NXPE2: variants seen among roughly 807,000 people sequenced by gnomAD.
NXPE2 encodes neurexophilin and PC-esterase domain family member 2.
Under a neutral mutation model 34.4 loss-of-function variants are expected in NXPE2, and 34 were observed. The observed-to-expected ratio is 0.99, with a 90% confidence interval of 0.75 to 1.31. The LOEUF is 1.31. Among genes scored for constraint, NXPE2 ranks in the 40% most tolerant of loss-of-function variants. The probability of loss-of-function intolerance (pLI) is 0.00; values close to 1 mark genes in which losing one functional copy is unlikely to be tolerated. For synonymous variants in NXPE2, 235 were observed against 231.3 expected (o/e 1.02, Z -0.15); for missense variants, 649 against 672.5 (o/e 0.97, Z 0.39).
At chr11:114,579,550 C>A in the NXPE2 span, among the ~76,000 whole-genome samples, 231 of 152,348 alleles carry the variant, frequency 1.5e-3, 2 homozygotes, top group African/African-American at 4.4e-3. Context: ...TCACTTCTGA[C>A]ATCTGTTCTC....
chr11:114,707,910 G>A (rs1951502011), downstream of NXPE2, among the ~76,000 whole-genome samples: 1 of 152,162 alleles, frequency 6.6e-6, no homozygotes, highest in Non-Finnish European at 1.5e-5. Context: ...TCCGTTGTAA[G>A]TATGTACTAC....
At chr11:114,598,703 C>G in the NXPE2 span, among the ~76,000 whole-genome samples, 1 of 151,950 alleles carries the variant, frequency 6.6e-6, no homozygotes, top group African/African-American at 2.4e-5. Flanking sequence ...AGCTGGGATG[C>G]AGGGACCAGT....
the NXPE2 span, among the ~76,000 whole-genome samples, chr11:114,721,187 G>C: frequency 6.6e-6 from 1 of 151,872 alleles, no homozygotes; most frequent in African/African-American, 2.4e-5. Context: ...GATTGACGGT[G>C]ATTAGTGTTC....
the NXPE2 span, among the ~76,000 whole-genome samples, chr11:114,795,008 C>G: frequency 6.6e-6 from 1 of 152,212 alleles, no homozygotes; most frequent in African/African-American, 2.4e-5. Flanking sequence ...CAAGATGATG[C>G]CTAAAAAACA....
At chr11:114,777,082 CTTTG>C in the NXPE2 span, among the ~76,000 whole-genome samples, 1 of 152,240 alleles carries the variant, frequency 6.6e-6, no homozygotes, top group Admixed American at 6.5e-5. Context: ...GACACCAACA[CTTTG>C]TTTCACAATG....
chr11:114,701,406 C>T (rs1212798101), intron 3 of NXPE2, among the ~76,000 whole-genome samples: 3 of 152,148 alleles, frequency 2.0e-5, no homozygotes, highest in Non-Finnish European at 2.9e-5. Flanking sequence ...CAGACTGGCA[C>T]ATACTTTGGG....
the NXPE2 span, among the ~76,000 whole-genome samples, chr11:114,805,369 C>T: frequency 1.8e-3 from 270 of 152,110 alleles, 6 homozygotes; most frequent in Admixed American, 1.6e-3. Flanking sequence ...GCACCATGCA[C>T]GAGCCGAAGC....
chr11:114,591,720 A>G, the NXPE2 span, among the ~76,000 whole-genome samples: 1 of 152,124 alleles, frequency 6.6e-6, no homozygotes, highest in South Asian at 2.1e-4. Flanking sequence ...AATATACCTC[A>G]AAACAATAAA....
At chr11:114,614,735 A>T in the NXPE2 span, among the ~76,000 whole-genome samples, 1 of 151,264 alleles carries the variant, frequency 6.6e-6, no homozygotes, top group African/African-American at 2.4e-5. Flanking sequence ...CTCCTGCGTA[A>T]CCAGTGTTAC....
At chr11:114,778,429 A>G in the NXPE2 span, among the ~76,000 whole-genome samples, 496 of 152,320 alleles carry the variant, frequency 3.3e-3, 3 homozygotes, top group African/African-American at 0.012. Flanking sequence ...TGTCTTGTAA[A>G]AGGTCATTTT....
the NXPE2 span, among the ~76,000 whole-genome samples, chr11:114,712,709 C>T: frequency 2.0e-4 from 31 of 152,218 alleles, no homozygotes; most frequent in Middle Eastern, 3.4e-3. Context: ...AAAAACAGTA[C>T]GGAGGTTCCT....
chr11:114,802,274 C>A, the NXPE2 span, among the ~76,000 whole-genome samples: 1 of 152,334 alleles, frequency 6.6e-6, no homozygotes, highest in Admixed American at 6.5e-5. Context: ...CCCTCACTGT[C>A]TCTCCCCGTC....
chr11:114,737,927 TA>T, the NXPE2 span, among the ~76,000 whole-genome samples: 6 of 149,842 alleles, frequency 4.0e-5, no homozygotes, highest in Non-Finnish European at 6.0e-5. Context: ...TACTAAAAAA[TA>T]AAAAAAAAAT....
At chr11:114,670,545 A>G in the NXPE2 span, among the ~76,000 whole-genome samples, 1 of 151,898 alleles carries the variant, frequency 6.6e-6, no homozygotes, top group Non-Finnish European at 1.5e-5. Context: ...TTAAAGAAGT[A>G]GCCAGGCATA....
chr11:114,636,037 A>G, the NXPE2 span, among the ~76,000 whole-genome samples: 1 of 151,886 alleles, frequency 6.6e-6, no homozygotes, highest in East Asian at 1.9e-4. Flanking sequence ...TTCAGAAGGA[A>G]CGGTACCAGT....
the NXPE2 span, chr11:114,582,516 C>G: frequency 1.5e-5 from 24 of 1,614,054 alleles, no homozygotes; most frequent in Admixed American, 3.7e-4. Flanking sequence ...GAAGATCACC[C>G]TGTCATAGCC....
chr11:114,707,671 G>A (rs552531605), downstream of NXPE2: 298 of 166,504 alleles, frequency 1.8e-3, 1 homozygote, highest in Middle Eastern at 0.014. Flanking sequence ...AAGAAACTTG[G>A]TACCTATTAA....
the NXPE2 span, among the ~76,000 whole-genome samples, chr11:114,746,852 AAAAC>A: frequency 4.3e-3 from 642 of 150,142 alleles, 7 homozygotes; most frequent in African/African-American, 0.014. Flanking sequence ...CTCCCTCTCA[AAAAC>A]AAACAAACAA....
At chr11:114,554,399 T>C in the NXPE2 span, 1 of 985,054 alleles carries the variant, frequency 1.0e-6, no homozygotes, top group Non-Finnish European at 1.2e-6. Context: ...GATGACAATA[T>C]TCCAGAACAG....
Sources: gnomAD v4.1 joint callset for allele counts (sites outside exome capture counted in the v4.1 genomes callset) on GRCh38, gnomAD v4.1.1 for gene constraint, MANE v1.5 for transcripts, NCBI Gene and HGNC (gene_info 2026-07-23, HGNC 2026-07-21) for gene names.